The following VCL variants were observed in gnomAD, a reference collection of about 807,000 sequenced individuals.
VCL encodes the protein vinculin.
Under a neutral mutation model 125.7 loss-of-function variants are expected in VCL, and 47 were observed. The ratio of observed to expected loss-of-function variants is 0.37; its 90% CI spans 0.30 to 0.48. The LOEUF (loss-of-function observed/expected upper bound fraction) is 0.48, where lower values mean the gene tolerates loss of function less well. Among genes scored for constraint, VCL ranks in the 20% least tolerant of loss-of-function variants. The pLI is 0.99. For missense variants in VCL, 1,069 were observed against 1,455.5 expected (o/e 0.73, Z 4.32); for synonymous variants, 458 against 514.6 (o/e 0.89, Z 1.49).
At chr10:74,012,685 A>G (rs1378748706) in intron 1 of VCL, among the ~76,000 whole-genome samples, 2 of 152,130 alleles carry the variant, frequency 1.3e-5, no homozygotes, top group Non-Finnish European at 2.9e-5. Flanking sequence ...TGGGCCACCT[A>G]GTTAGGAAGA....
At position 74,083,486 on chromosome 10, in the gene VCL, C is replaced by T; in HGVS notation, c.995C>T (p.Thr332Ile). 6.2e-7 allele frequency: 1 copy of T among 1,614,090 alleles called. No homozygotes were observed. The highest frequency in any genetic ancestry group is 8.5e-7 in the Non-Finnish European group (1 of 1,179,968). Residue 332 changes from threonine to isoleucine, a missense_variant, in exon 8 of 22, where the codon ACT becomes ATT. Physicochemically the swap from Thr to Ile is moderately conservative, Grantham distance 89. This residue lies in a region of VCL where 760 missense variants were observed against 928.9 expected (regional missense o/e 0.82). Transcript: ENST00000211998. ...LGTCKMLGQMTDQVADLRARG... is the reference protein window; with the variant it reads ...LGTCKMLGQMIDQVADLRARG... ...ACTTGCAAAATGCTAGGGCAGATGA[C>T]TGATCAAGTGGCTGACCTCCGTGCC...
chr10:74,070,308 A>G (rs1312657774), intron 2 of VCL, among the ~76,000 whole-genome samples: 1 of 152,186 alleles, frequency 6.6e-6, no homozygotes, highest in African/African-American at 2.4e-5. Context: ...AAGGAAACAA[A>G]GGCATTGCAG....
chr10:74,001,370 G>A (rs1371202384), intron 1 of VCL, among the ~76,000 whole-genome samples: 1 of 152,098 alleles, frequency 6.6e-6, no homozygotes, highest in Non-Finnish European at 1.5e-5. Context: ...TTGTTATGTT[G>A]CCCAGGCTGG....
At chr10:74,025,735 G>A (rs1177275697) in intron 1 of VCL, among the ~76,000 whole-genome samples, 1 of 151,358 alleles carries the variant, frequency 6.6e-6, no homozygotes, top group Non-Finnish European at 1.5e-5. Flanking sequence ...GGGAGGTTTA[G>A]GATTAGAGTG....
Position 74,114,210 on chromosome 10 carries a change from G to A in VCL, c.2976G>A (p.Lys992=). 2 of 1,613,812 alleles carry A rather than the reference G, an allele frequency of 1.2e-6. No homozygotes were observed. The highest frequency in any genetic ancestry group is 1.7e-6 in the Non-Finnish European group (2 of 1,180,022). Reference sequence around the variant, plus strand: ...GCAATGACATCATTGCAGCAGCCAAGCGCATGGCTCTGCTGATGGCTGAGA... The same window carrying A: ...GCAATGACATCATTGCAGCAGCCAAACGCATGGCTCTGCTGATGGCTGAGA... ...SKGNDIIAAA[K]RMALLMAEMS... The change falls in exon 20 of 22, where the codon AAG becomes AAA. Residue 992 remains lysine, a synonymous_variant. Coordinates refer to ENST00000211998, the MANE Select transcript of VCL (RefSeq NM_014000.3).
At chr10:74,067,407 G>A (rs911523123) in intron 2 of VCL, among the ~76,000 whole-genome samples, 2 of 152,024 alleles carry the variant, frequency 1.3e-5, no homozygotes, top group Non-Finnish European at 2.9e-5. Flanking sequence ...GCATTGGTGA[G>A]GATATGGAGA....
chr10:74,093,076 C>T (rs1839912892), intron 10 of VCL, among the ~76,000 whole-genome samples: 1 of 152,180 alleles, frequency 6.6e-6, no homozygotes, highest in Non-Finnish European at 1.5e-5. Context: ...GTGGGCACAT[C>T]ACCCGAGGTC....
rs566296495 is a variant in VCL, at chr10:74,112,004, C to T, written c.2841C>T (p.Asp947=). 1.4e-5 allele frequency: 23 copies of T among 1,614,166 alleles called. No homozygotes were observed. The highest frequency in any genetic ancestry group is 5.3e-5 in the African/African-American group (4 of 75,044). The part of the protein sequence containing the change: ...AGFPVPPDME[D]DYEPELLLMP... ...TCCCTGTCCCCCCTGACATGGAAGA[C>T]GATTACGAACCTGAGCTGCTGTTAA... Residue 947 remains aspartate (D), a synonymous_variant, in exon 19 of 22, where the codon GAC becomes GAT. Transcript: ENST00000211998.
intron 14 of VCL, among the ~76,000 whole-genome samples, chr10:74,102,439 C>G (rs1378852195): frequency 6.6e-6 from 1 of 152,060 alleles, no homozygotes; most frequent in African/African-American, 2.4e-5. Context: ...TGCAATTTTT[C>G]TTCTATTCAA....
rs1839711221 is a variant in VCL, at chr10:74,083,445, C to G, written c.954C>G (p.Arg318=). 6.2e-7 allele frequency: 1 copy of G among 1,613,964 alleles called. No homozygotes were observed. The highest frequency in any genetic ancestry group is 8.5e-7 in the Non-Finnish European group (1 of 1,179,986). ...KVGELCAGKE[R]REILGTCKML... ...GTGAACTCTGTGCAGGCAAAGAACG[C>G]AGGGAGATTCTGGGAACTTGCAAAA... Residue 318 remains arginine (R), a synonymous_variant, in exon 8 of 22, where the codon CGC becomes CGG. Coordinates refer to ENST00000211998, the MANE Select transcript of VCL (RefSeq NM_014000.3).
At chr10:74,103,345 CA>C (rs1440964491) in intron 14 of VCL, among the ~76,000 whole-genome samples, 1 of 152,162 alleles carries the variant, frequency 6.6e-6, no homozygotes. Flanking sequence ...ACCTCTTGAG[CA>C]GTCACTTAAA....
intron 1 of VCL, among the ~76,000 whole-genome samples, chr10:74,042,203 C>T (rs1841106613): frequency 6.6e-6 from 1 of 152,016 alleles, no homozygotes; most frequent in Non-Finnish European, 1.5e-5. Flanking sequence ...TTTTTATAAC[C>T]ATTGTTTTAA....
chr10:74,003,471 G>C (rs1449518933), intron 1 of VCL, among the ~76,000 whole-genome samples: 2 of 152,150 alleles, frequency 1.3e-5, no homozygotes, highest in Non-Finnish European at 2.9e-5. Flanking sequence ...AAATGTGTCA[G>C]TCTGTGATGT....
chr10:74,117,071 G>A (rs1004890870), intron 21 of VCL, among the ~76,000 whole-genome samples: 1 of 152,304 alleles, frequency 6.6e-6, no homozygotes, highest in African/African-American at 2.4e-5. Context: ...AAGTTTGTGC[G>A]TTTGTTTGAA....
At chr10:74,085,570 G>C (rs1405211034) in intron 8 of VCL, among the ~76,000 whole-genome samples, 1 of 152,084 alleles carries the variant, frequency 6.6e-6, no homozygotes, top group Non-Finnish European at 1.5e-5. Context: ...AACATAGTTT[G>C]CTATTGAGAA....
chr10:74,039,788 A>G (rs2136246541), intron 1 of VCL, among the ~76,000 whole-genome samples: 1 of 152,250 alleles, frequency 6.6e-6, no homozygotes, highest in South Asian at 2.1e-4. Context: ...AAAGAAAAGA[A>G]AAGAAAAGAA....
chr10:74,074,642 T>G, intron 5 of VCL, 101 bp from the exon 6 acceptor site: 1 of 1,412,962 alleles, frequency 7.1e-7, no homozygotes, highest in South Asian at 1.3e-5. Context: ...TTTTAGGATC[T>G]TAAAAGCCCA....
chr10:74,118,401 T>A lies in VCL; in HGVS notation c.*232T>A. The A allele has an allele frequency of 5.2e-6, 3 of 577,500 alleles. No individual in the cohort carries two copies. The Admixed American group carries it at 8.2e-5, about 16-fold the overall frequency. 35.8% of individuals were successfully genotyped at this position (577,500 alleles called of 1,614,324 possible). ...GTATTCTCAAACACAGTTACACTTGTGCACCCTCTATCCCAATAGGCAGAC... is the reference window on the plus strand; with the variant it reads ...GTATTCTCAAACACAGTTACACTTGAGCACCCTCTATCCCAATAGGCAGAC... On this transcript the variant is annotated 3_prime_UTR_variant, in exon 22 of 22. Transcript: ENST00000211998.
chr10:74,117,643 C>A (rs940223249), intron 21 of VCL, among the ~76,000 whole-genome samples: 2 of 152,134 alleles, frequency 1.3e-5, no homozygotes, highest in Non-Finnish European at 1.5e-5. Context: ...AAGAGAAAGA[C>A]CCCATCTCAA....
Sources: allele counts gnomAD v4.1 joint callset (sites outside exome capture counted in the v4.1 genomes callset), GRCh38; gene constraint gnomAD v4.1.1; regional missense constraint gnomAD v4.1.1; transcripts MANE v1.5; gene names NCBI Gene and HGNC (gene_info 2026-07-23, HGNC 2026-07-21).